PSEN1: variants seen among roughly 807,000 people sequenced by gnomAD.
The protein encoded by PSEN1 is presenilin 1, also known as presenilin-1.
A neutral mutation model predicts 53.5 loss-of-function variants in PSEN1; 15 were observed. The observed-to-expected ratio is 0.28, with a 90% confidence interval of 0.19 to 0.43. The LOEUF is 0.43. Ranked by LOEUF, PSEN1 falls within the 20% of genes least tolerant of loss-of-function variation. The pLI, the probability that PSEN1 is intolerant of heterozygous loss-of-function variation, is 1.00. For synonymous variants in PSEN1, 208 were observed against 209.8 expected (o/e 0.99, Z 0.08); for missense variants, 387 against 571.2 (o/e 0.68, Z 3.29).
chr14:73,169,015 G>A (rs1041456280), intron 3 of PSEN1: 4 of 152,252 alleles, frequency 2.6e-5, no homozygotes, highest in Non-Finnish European at 5.9e-5. Flanking sequence ...AGTGTGTGGT[G>A]GCCGAGTAAA....
chr14:73,153,653 C>T (rs1246828175), intron 3 of PSEN1, among the ~76,000 whole-genome samples: 2 of 128,318 alleles, frequency 1.6e-5, no homozygotes, highest in Non-Finnish European at 1.6e-5. Flanking sequence ...AAACAATATC[C>T]ATTAAGTCAT....
At chr14:73,166,834 C>T (rs77427123) in intron 3 of PSEN1, among the ~76,000 whole-genome samples, 1 of 152,278 alleles carries the variant, frequency 6.6e-6, no homozygotes, top group African/African-American at 2.4e-5. Context: ...TTCCATTTCT[C>T]ATAGGGTTTG....
intron 8 of PSEN1, chr14:73,206,059 A>T: frequency 3.2e-6 from 1 of 317,198 alleles, no homozygotes; most frequent in Non-Finnish European, 6.0e-6. Context: ...AATTTAGAAC[A>T]TTCAACTAGT....
intron 10 of PSEN1, among the ~76,000 whole-genome samples, chr14:73,216,412 AATC>A (rs1899916173): frequency 6.6e-6 from 1 of 152,158 alleles, no homozygotes; most frequent in Non-Finnish European, 1.5e-5. Flanking sequence ...ACAATCATTG[AATC>A]ATGTCTTCCA....
Position 73,192,753 on chromosome 14 carries a change from C to T in PSEN1, c.658C>T (p.Arg220Ter). The T allele has an allele frequency of 6.2e-7, 1 of 1,613,822 alleles. No individual in the cohort carries two copies. Among genetic ancestry groups the T allele is most frequent in the Non-Finnish European group, 8.5e-7 (1 of 1,179,804 alleles). Residue 220 changes from arginine to a stop codon, truncating the protein, a stop_gained, in exon 7 of 12, where the codon CGA becomes TGA. Transcript: ENST00000324501. LOFTEE classifies it high-confidence loss of function. ...MISIHWKGPL[R>*]LQQAYLIMIS... ...TTCCATTCACTGGAAAGGTCCACTT[C>T]GACTCCAGCAGGCATATCTCATTAT...
intron 3 of PSEN1, among the ~76,000 whole-genome samples, chr14:73,152,330 G>A (rs1292515432): frequency 6.6e-6 from 1 of 151,866 alleles, no homozygotes; most frequent in East Asian, 1.9e-4. Flanking sequence ...ACCAAAAAAG[G>A]CCAGGCATGG....
chr14:73,170,362 C>G (rs1897849806), intron 3 of PSEN1, among the ~76,000 whole-genome samples: 1 of 152,194 alleles, frequency 6.6e-6, no homozygotes, highest in Non-Finnish European at 1.5e-5. Flanking sequence ...TAGAGTTGCT[C>G]TGGTCCAAAC....
chr14:73,211,778 G>A lies in PSEN1; in HGVS notation c.965G>A (p.Arg322Lys). 4 of 1,614,032 alleles carry A rather than the reference G, an allele frequency of 2.5e-6. No homozygotes were observed. Residue 322 changes from arginine to lysine, a missense_variant, in exon 10 of 12, where the codon AGG (arginine) becomes AAG (lysine). By Grantham distance (26) the Arg-to-Lys change is conservative. Transcript: ENST00000324501. Reference protein sequence around the residue: ...NSKYNAESTERESQDTVAEND... With the variant: ...NSKYNAESTEKESQDTVAEND... ...CCACTTTCTCTTGAAGGCACAGAAA[G>A]GGAGTCACAAGACACTGTTGCAGAG...
chr14:73,187,112 A>T (rs1168860655), intron 6 of PSEN1, among the ~76,000 whole-genome samples, 192 bp downstream of exon 6: 1 of 152,260 alleles, frequency 6.6e-6, no homozygotes, highest in East Asian at 1.9e-4. Flanking sequence ...CTCCTTGCTT[A>T]TAATAAGTAG....
chr14:73,170,131 G>A (rs549973396), intron 3 of PSEN1, among the ~76,000 whole-genome samples: 4 of 152,152 alleles, frequency 2.6e-5, no homozygotes, highest in Admixed American at 6.5e-5. Context: ...TATAATTAGC[G>A]TATAGTGAGC....
At chr14:73,187,527 CACAG>C (rs1283297923) in intron 6 of PSEN1, among the ~76,000 whole-genome samples, 1 of 151,900 alleles carries the variant, frequency 6.6e-6, no homozygotes, top group African/African-American at 2.4e-5. Context: ...GGGAAATAAC[CACAG>C]ACAGAAGAAG....
In PSEN1 at chr14:73,208,945, C is replaced by T. The variant is rs144829044; in HGVS notation, c.955+2473C>T. On this transcript the variant is annotated intron_variant, in intron 9 of 11. Transcript: ENST00000324501. ...GCTGCCTTCAGCCCCTCCTCAGTCT[C>T]CCTCCCATGCTTGTCAGCACCCAAA... 4.9e-3 allele frequency: 2,197 copies of T among 449,762 alleles called. 11 individuals carry two copies. Among genetic ancestry groups the T allele is most frequent in the Non-Finnish European group, 7.3e-3 (1,641 of 223,902 alleles). 27.9% of individuals were successfully genotyped at this position (449,762 alleles called of 1,614,324 possible).
chr14:73,148,154 A>T, intron 3 of PSEN1, 48 bp downstream of exon 3: 1 of 1,404,902 alleles, frequency 7.1e-7, no homozygotes, highest in Non-Finnish European at 1.0e-6. Flanking sequence ...GGATTCACTT[A>T]TCATCTCCCC....
chr14:73,137,856 C>T (rs1380489547), intron 1 of PSEN1, among the ~76,000 whole-genome samples: 1 of 151,980 alleles, frequency 6.6e-6, no homozygotes, highest in Non-Finnish European at 1.5e-5. Flanking sequence ...GGCCGCGGGG[C>T]GGATCCTTGA....
intron 8 of PSEN1, among the ~76,000 whole-genome samples, chr14:73,201,151 C>T (rs893465062): frequency 5.3e-5 from 8 of 152,062 alleles, no homozygotes; most frequent in African/African-American, 9.7e-5. Context: ...TTCAGTGGGG[C>T]GATCTCGGCT....
intron 6 of PSEN1, among the ~76,000 whole-genome samples, chr14:73,189,336 T>C (rs1898629298): frequency 1.3e-5 from 2 of 152,154 alleles, no homozygotes; most frequent in African/African-American, 2.4e-5. Context: ...CCTGTCTGGG[T>C]GCCGTGGCTC....
intron 1 of PSEN1, among the ~76,000 whole-genome samples, chr14:73,137,580 A>G (rs1896780893): frequency 6.6e-6 from 1 of 152,166 alleles, no homozygotes; most frequent in South Asian, 2.1e-4. Flanking sequence ...CAAGGCAAAC[A>G]CTTAGGAACA....
intron 5 of PSEN1, among the ~76,000 whole-genome samples, chr14:73,185,353 C>A (rs1159453839): frequency 6.6e-6 from 1 of 152,136 alleles, no homozygotes; most frequent in Non-Finnish European, 1.5e-5. Flanking sequence ...TCTGCAATCC[C>A]GGCACCTCGG....
At chr14:73,206,113 C>G (rs879367468) in intron 8 of PSEN1, 14 of 445,780 alleles carry the variant, frequency 3.1e-5, no homozygotes, top group Non-Finnish European at 4.9e-5. Context: ...GAACAGTTTT[C>G]CTTCTGGTTC....
Sources: allele counts gnomAD v4.1 joint callset (sites outside exome capture counted in the v4.1 genomes callset), GRCh38; gene constraint gnomAD v4.1.1; transcripts MANE v1.5; gene names NCBI Gene and HGNC (gene_info 2026-07-23, HGNC 2026-07-21).